FREM2: variants seen among roughly 807,000 people sequenced by gnomAD.
The protein encoded by FREM2 is FRAS1 related extracellular matrix 2.
In FREM2, 119 loss-of-function variants were observed where a neutral mutation model predicts 219.9. The observed-to-expected ratio is 0.54, with a 90% CI of 0.47 to 0.63. The LOEUF is 0.63. FREM2 is among the 30% of genes least tolerant of loss of function. The pLI is 0.00. For synonymous variants in FREM2, 1,562 were observed against 1,522.8 expected (o/e 1.03, Z -0.60); for missense variants, 4,030 against 3,993.6 (o/e 1.01, Z -0.25).
chr13:38,687,134 G>T lies in FREM2; in HGVS notation c.-211G>T. On this transcript the variant is annotated 5_prime_UTR_variant, in exon 1 of 24. Transcript: ENST00000280481. Reference sequence around the variant, plus strand: ...GAGGCGCTAGCGGCGGAGCTGGACGGCCTGGGAAGGCTTCGGCTCCTCGGC... The same window carrying T: ...GAGGCGCTAGCGGCGGAGCTGGACGTCCTGGGAAGGCTTCGGCTCCTCGGC... 1 of 632,796 alleles carries T rather than the reference G, an allele frequency of 1.6e-6. No homozygotes were observed. Among genetic ancestry groups the T allele is most frequent in the African/African-American group, 1.8e-5 (1 of 54,442 alleles). 39.2% of individuals were successfully genotyped at this position (632,796 alleles called of 1,614,324 possible). A position where few individuals can be genotyped will look rare whatever the true frequency, so the allele number is the denominator to read the frequency against.
intron 6 of FREM2, among the ~76,000 whole-genome samples, chr13:38,844,712 G>A (rs1250979913): frequency 2.6e-5 from 4 of 152,158 alleles, no homozygotes; most frequent in Non-Finnish European, 5.9e-5. Flanking sequence ...CCATAACTCA[G>A]AAACCTAATT....
chr13:38,866,051 C>A (rs573880288), intron 16 of FREM2, among the ~76,000 whole-genome samples: 2 of 152,178 alleles, frequency 1.3e-5, no homozygotes, highest in African/African-American at 4.8e-5. Flanking sequence ...GTCTTCCTTA[C>A]AAAGCTGCCT....
chr13:38,763,464 C>CTTTTTTTTTTTTTTTTTTTTTTTTTT (rs1163604743), intron 2 of FREM2, among the ~76,000 whole-genome samples: 1 of 102,348 alleles, frequency 9.8e-6, no homozygotes. Flanking sequence ...GTTACTTGGG[C>CTTTTTTTTTTTTTTTTTTTTTTTTTT]TTTTTTTTTT....
chr13:38,834,021 C>T (rs1165761371), intron 6 of FREM2, among the ~76,000 whole-genome samples: 1 of 152,006 alleles, frequency 6.6e-6, no homozygotes, highest in East Asian at 1.9e-4. Flanking sequence ...GCAAATTACC[C>T]CTTTTTTTAA....
chr13:38,874,425 T>C (rs957748563), intron 17 of FREM2, 57 bp from the exon 18 acceptor site: 10 of 1,350,762 alleles, frequency 7.4e-6, no homozygotes, highest in Non-Finnish European at 7.4e-6. Flanking sequence ...AAGGAATCTG[T>C]ACATAAGGGG....
In FREM2 at chr13:38,877,117, G is replaced by A. The variant is rs771289541; in HGVS notation, c.8545G>A (p.Val2849Ile). Residue 2849 changes from valine (V) to isoleucine (I), a missense_variant and splice_region_variant, in exon 21 of 24, where the codon GTC becomes ATC. Val to Ile is a conservative substitution (Grantham distance 29). Coordinates refer to ENST00000280481, the MANE Select transcript of FREM2 (RefSeq NM_207361.6). ...AAAGAACTTTTACCTTTGGTTTTAG[G>A]TCAGTGATCCAGTGGCTGCTGAGTT... Reference protein sequence around the residue: ...TFDLDIRFQQVSDPVAAEFSL... With the variant: ...TFDLDIRFQQISDPVAAEFSL... 2 of 1,614,088 alleles carry A rather than the reference G, an allele frequency of 1.2e-6. No individual in the cohort carries two copies. Among genetic ancestry groups the A allele is most frequent in the East Asian group, 2.2e-5 (1 of 44,874 alleles).
Position 38,840,644 on chromosome 13 carries a change from A to ATATATATATATATGTG in FREM2, c.6020-5928_6020-5927insATATATATATATGTGT, listed in dbSNP as rs1184958401. Among the ~76,000 whole-genome samples the ATATATATATATATGTG allele has an allele frequency of 6.6e-3, 887 of 134,268 alleles. 19 individuals are homozygous for ATATATATATATATGTG. Among genetic ancestry groups the ATATATATATATATGTG allele is most frequent in the African/African-American group, 0.021 (736 of 35,076 alleles). The allele number at this position is 134,268 out of a possible 152,430, so 88.1% of individuals were successfully genotyped here. Reference sequence around the variant, plus strand: ...AACTAAAATATATATATATATATATATGTGTATGTATATATATACACACAC... The same window carrying ATATATATATATATGTG: ...AACTAAAATATATATATATATATATATATATATATATATGTGTGTGTATGTATATATATACACACAC... On this transcript the variant is annotated intron_variant, in intron 6 of 23. Transcript: ENST00000280481.
Position 38,874,512 on chromosome 13 carries a change from G to GT in FREM2, c.8208dup (p.Asp2737Ter). 1.2e-6 allele frequency: 2 copies of GT among 1,614,026 alleles called. No homozygotes were observed. Among genetic ancestry groups the GT allele is most frequent in the Non-Finnish European group, 1.7e-6 (2 of 1,179,934 alleles). On this transcript the variant is annotated frameshift_variant, in exon 18 of 24. Coordinates refer to ENST00000280481, the MANE Select transcript of FREM2 (RefSeq NM_207361.6). LOFTEE classifies it high-confidence loss of function. ...CTCTATCCAACCAGCATGCGCATCG[G>GT]TGATGAGGGGCGCTTGGCCGTGCAC...
At chr13:38,719,843 A>G (rs923548514) in intron 2 of FREM2, among the ~76,000 whole-genome samples, 6 of 152,196 alleles carry the variant, frequency 3.9e-5, no homozygotes, top group Non-Finnish European at 8.8e-5. Context: ...GGTGAAATTT[A>G]CAGACAGGTT....
intron 22 of FREM2, 63 bp from the exon 23 acceptor site, chr13:38,878,768 T>C (rs1460530991): frequency 3.2e-5 from 47 of 1,472,938 alleles, no homozygotes; most frequent in Non-Finnish European, 3.0e-5. Context: ...TAGAGAAACA[T>C]GCTGTCCTGG....
In FREM2 at chr13:38,688,913, C is replaced by T. The variant is rs1037596251; in HGVS notation, c.1569C>T (p.Asp523=). The T allele has an allele frequency of 4.3e-6, 7 of 1,612,678 alleles. No individual in the cohort carries two copies. The highest frequency in any genetic ancestry group is 5.1e-6 in the Non-Finnish European group (6 of 1,179,376). The change falls in exon 1 of 24, where the codon GAC becomes GAT. Residue 523 remains aspartate (D), a synonymous_variant. Coordinates refer to ENST00000280481, the MANE Select transcript of FREM2 (RefSeq NM_207361.6). ...GCCAGGTGGTCTACCAGCATGATGACAGAGACGGCTCGCTGAGCGACAACC... is the reference window on the plus strand; with the variant it reads ...GCCAGGTGGTCTACCAGCATGATGATAGAGACGGCTCGCTGAGCGACAACC... ...AAGQVVYQHD[D]RDGSLSDNLV... is the part of the protein sequence containing the mutation.
chr13:38,788,355 A>G (rs1874415536), intron 6 of FREM2, among the ~76,000 whole-genome samples: 1 of 152,126 alleles, frequency 6.6e-6, no homozygotes, highest in African/African-American at 2.4e-5. Flanking sequence ...TAAGAAATTT[A>G]ATAAGAAATA....
chr13:38,876,556 C>T (rs1439621116), intron 20 of FREM2, among the ~76,000 whole-genome samples, 174 bp downstream of exon 20: 2 of 152,100 alleles, frequency 1.3e-5, no homozygotes, highest in Non-Finnish European at 2.9e-5. Flanking sequence ...GAGATTTGCC[C>T]TTTATCTGTT....
intron 15 of FREM2, among the ~76,000 whole-genome samples, chr13:38,863,923 T>G (rs1404897637): frequency 6.6e-6 from 1 of 151,910 alleles, no homozygotes; most frequent in Non-Finnish European, 1.5e-5. Flanking sequence ...ACCTCTGCCT[T>G]CCGGGTTCAA....
intron 6 of FREM2, among the ~76,000 whole-genome samples, chr13:38,835,343 T>G (rs894580603): frequency 6.6e-6 from 1 of 152,246 alleles, no homozygotes; most frequent in Non-Finnish European, 1.5e-5. Flanking sequence ...CTGTTTTTGT[T>G]GCCATAGGCT....
intron 2 of FREM2, among the ~76,000 whole-genome samples, chr13:38,716,360 TC>T (rs539771727): frequency 2.0e-5 from 3 of 152,176 alleles, no homozygotes; most frequent in Non-Finnish European, 2.9e-5. Context: ...CATCCAGCTT[TC>T]CCACACCCCA....
chr13:38,880,705 G>T lies in FREM2; in HGVS notation c.9428G>T (p.Gly3143Val), dbSNP rs773875007. The part of the protein sequence containing the change: ...LMCRGKESFR[G>V]KDAPKGSSSS... ...TGCAGGGGCAAGGAAAGTTTCAGGG[G>T]GAAGGATGCCCCGAAAGGCTCCAGC... is the stretch of plus-strand genomic sequence containing the variant. Residue 3143 changes from glycine to valine, a missense_variant, in exon 24 of 24, where the codon GGG becomes GTG. Physicochemically the swap from Gly to Val is moderately radical, Grantham distance 109. Transcript: ENST00000280481. The T allele has an allele frequency of 6.2e-7, 1 of 1,614,152 alleles. No homozygotes were observed. Among genetic ancestry groups the T allele is most frequent in the Admixed American group, 1.7e-5 (1 of 60,028 alleles).
At chr13:38,840,705 C>T (rs753073798) in intron 6 of FREM2, among the ~76,000 whole-genome samples, 5 of 106,702 alleles carry the variant, frequency 4.7e-5, no homozygotes, top group Admixed American at 2.3e-4. Context: ...TGCATATATA[C>T]ACACACACAC....
At chr13:38,859,758 A>G (rs987147979) in intron 14 of FREM2, among the ~76,000 whole-genome samples, 168 bp downstream of exon 14, 1 of 152,228 alleles carries the variant, frequency 6.6e-6, no homozygotes, top group Non-Finnish European at 1.5e-5. Flanking sequence ...AAAACAAAAT[A>G]TTTATTCATT....
Sources: allele counts gnomAD v4.1 joint callset (sites outside exome capture counted in the v4.1 genomes callset), GRCh38; gene constraint gnomAD v4.1.1; transcripts MANE v1.5; gene names NCBI Gene and HGNC (gene_info 2026-07-23, HGNC 2026-07-21).